Variants in EPHA6 observed in about 807,000 individuals in gnomAD.
EPHA6 encodes EPH receptor A6.
EPHA6 carries 50 observed loss-of-function variants against 112.0 expected under a neutral mutation model. The observed-to-expected ratio is 0.45, with a 90% confidence interval of 0.36 to 0.56. The LOEUF is 0.56. EPHA6 is among the 20% of genes least tolerant of loss of function. The pLI is 0.00. For missense variants in EPHA6, 1,280 were observed against 1,417.4 expected (o/e 0.90, Z 1.56); for synonymous variants, 529 against 490.7 (o/e 1.08, Z -1.03).
chr3:97,663,394 T>C (rs986892333), intron 14 of EPHA6, among the ~76,000 whole-genome samples: 1 of 152,116 alleles, frequency 6.6e-6, no homozygotes, highest in Non-Finnish European at 1.5e-5. Context: ...TGCAGGTTTG[T>C]TACATATGTA....
chr3:96,873,505 A>G (rs2036761985), intron 2 of EPHA6, among the ~76,000 whole-genome samples: 1 of 152,150 alleles, frequency 6.6e-6, no homozygotes, highest in African/African-American at 2.4e-5. Flanking sequence ...CAGTTTTACA[A>G]ATTATGATTC....
chr3:96,932,992 G>A (rs1244210289), intron 2 of EPHA6, among the ~76,000 whole-genome samples: 1 of 152,120 alleles, frequency 6.6e-6, no homozygotes, highest in South Asian at 2.1e-4. Flanking sequence ...GGTACAGGGT[G>A]CAGAGTCTAT....
At chr3:97,663,737 C>A (rs575253929) in intron 14 of EPHA6, among the ~76,000 whole-genome samples, 2 of 151,916 alleles carry the variant, frequency 1.3e-5, no homozygotes, top group Non-Finnish European at 2.9e-5. Flanking sequence ...TCTATCATTG[C>A]TGGACATTTG....
chr3:97,032,205 C>G (rs1441565894), intron 3 of EPHA6, among the ~76,000 whole-genome samples: 1 of 152,032 alleles, frequency 6.6e-6, no homozygotes, highest in Non-Finnish European at 1.5e-5. Flanking sequence ...GGACAAAAAA[C>G]CAAACACCGC....
intron 1 of EPHA6, among the ~76,000 whole-genome samples, chr3:96,829,968 C>CAT (rs1559755308): frequency 6.1e-4 from 92 of 151,712 alleles, no homozygotes; most frequent in African/African-American, 2.1e-3. Flanking sequence ...CACACACACA[C>CAT]ACACACACAC....
chr3:97,060,063 G>T (rs1670163704), intron 3 of EPHA6, among the ~76,000 whole-genome samples: 1 of 152,138 alleles, frequency 6.6e-6, no homozygotes, highest in African/African-American at 2.4e-5. Context: ...AGAGGTTGCA[G>T]TGAGCCGAGA....
intron 11 of EPHA6, among the ~76,000 whole-genome samples, chr3:97,540,095 T>G (rs1242475696): frequency 1.3e-5 from 2 of 152,232 alleles, no homozygotes; most frequent in African/African-American, 4.8e-5. Flanking sequence ...TAATTTTCTG[T>G]ACTTTCTCTG....
At chr3:96,819,792 T>C (rs767213588) in intron 1 of EPHA6, among the ~76,000 whole-genome samples, 1 of 152,160 alleles carries the variant, frequency 6.6e-6, no homozygotes, top group Non-Finnish European at 1.5e-5. Context: ...CATTATTTTA[T>C]TGAGTATTGT....
intron 3 of EPHA6, among the ~76,000 whole-genome samples, chr3:97,078,245 G>GT (rs1311784502): frequency 1.3e-5 from 2 of 152,006 alleles, no homozygotes. Flanking sequence ...GTGATTGTTT[G>GT]TTTTTTTCTT....
At chr3:97,164,342 A>G (rs1196262910) in intron 3 of EPHA6, among the ~76,000 whole-genome samples, 2 of 152,200 alleles carry the variant, frequency 1.3e-5, no homozygotes, top group Non-Finnish European at 2.9e-5. Context: ...ACGTAACCAC[A>G]GATGGCTAAT....
intron 5 of EPHA6, among the ~76,000 whole-genome samples, chr3:97,376,189 G>A (rs1297761721): frequency 6.6e-6 from 1 of 152,052 alleles, no homozygotes; most frequent in East Asian, 1.9e-4. Context: ...TTAAATTAAA[G>A]GAAGAAACAC....
chr3:97,595,991 C>T (rs1219321787), intron 12 of EPHA6, among the ~76,000 whole-genome samples: 1 of 145,724 alleles, frequency 6.9e-6, no homozygotes, highest in South Asian at 2.2e-4. Flanking sequence ...CTGCAAGCTT[C>T]GCCTCCCGGG....
At chr3:96,888,667 C>A (rs971221237) in intron 2 of EPHA6, among the ~76,000 whole-genome samples, 4 of 152,138 alleles carry the variant, frequency 2.6e-5, no homozygotes, top group Non-Finnish European at 4.4e-5. Flanking sequence ...CACCAGGGAC[C>A]CTGGGCCTGG....
chr3:97,535,725 G>C, intron 11 of EPHA6, among the ~76,000 whole-genome samples: 1 of 152,102 alleles, frequency 6.6e-6, no homozygotes, highest in Non-Finnish European at 1.5e-5. Flanking sequence ...AGGCTTATAA[G>C]GGCATGTTTG....
At chr3:97,283,379 A>G (rs1030342368) in intron 5 of EPHA6, among the ~76,000 whole-genome samples, 1 of 152,184 alleles carries the variant, frequency 6.6e-6, no homozygotes, top group Non-Finnish European at 1.5e-5. Flanking sequence ...TCATGTAACT[A>G]TGCCAATTTT....
rs540355841 is a variant in EPHA6 at position 96,943,285 on chromosome 3, G to A, written c.451-44045G>A. 5.9e-5 allele frequency among the ~76,000 whole-genome samples: 9 copies of A among 151,998 alleles called. No homozygotes were observed. In the South Asian group the frequency reaches 1.9e-3, roughly 32 times the overall value. On this transcript the variant is annotated intron_variant, in intron 2 of 17. Transcript: ENST00000389672. ...ATATCTAGAAGGGAGGATTTTGTAT[G>A]TTCTCACCAAAAAGAAATGATAAAT...
chr3:97,115,322 A>G (rs572630483), intron 3 of EPHA6, among the ~76,000 whole-genome samples: 1 of 151,918 alleles, frequency 6.6e-6, no homozygotes, highest in South Asian at 2.1e-4. Context: ...TTGAATTAAG[A>G]AGAAAGGTAA....
chr3:97,182,030 G>C (rs373586159), intron 3 of EPHA6, among the ~76,000 whole-genome samples: 35 of 152,128 alleles, frequency 2.3e-4, no homozygotes, highest in Admixed American at 6.6e-4. Context: ...ACTGCCAAAG[G>C]TTGTTGCAGA....
intron 5 of EPHA6, among the ~76,000 whole-genome samples, chr3:97,359,261 C>T (rs7639067): frequency 0.13 from 19,557 of 151,842 alleles, 3,879 homozygotes; most frequent in African/African-American, 0.43. Flanking sequence ...TTCATTTTGT[C>T]CCTCAGACTT....
Sources: gnomAD v4.1 joint callset for allele counts (sites outside exome capture counted in the v4.1 genomes callset) on GRCh38, gnomAD v4.1.1 for gene constraint, MANE v1.5 for transcripts, NCBI Gene and HGNC (gene_info 2026-07-23, HGNC 2026-07-21) for gene names.